The following SPTBN5 variants were observed in gnomAD, a reference collection of about 807,000 sequenced individuals.
The protein encoded by SPTBN5 is spectrin beta chain, non-erythrocytic 5.
A neutral mutation model predicts 477.6 loss-of-function variants in SPTBN5; 513 were observed. The observed-to-expected ratio is 1.07, with a 90% CI of 1.00 to 1.16. SPTBN5 has a LOEUF of 1.16. Among genes scored for constraint, SPTBN5 ranks in the 50% most tolerant of loss-of-function variants. SPTBN5 has a pLI of 0.00. For synonymous variants in SPTBN5, 2,169 were observed against 2,011.7 expected (o/e 1.08, Z -2.09); for missense variants, 5,062 against 4,731.8 (o/e 1.07, Z -2.05).
chr15:41,850,692 T>C, intron 66 of SPTBN5, 162 bp downstream of exon 66: 1 of 672,802 alleles, frequency 1.5e-6, no homozygotes, highest in Non-Finnish European at 2.5e-6. Context: ...GCGTAACCTC[T>C]CCAGGACCTA....
intron 63 of SPTBN5, 49 bp downstream of exon 63, chr15:41,851,730 G>A (rs1164355082): frequency 7.0e-7 from 1 of 1,433,346 alleles, no homozygotes; most frequent in South Asian, 1.2e-5. Context: ...CCACTCAAGT[G>A]CTGCTGCAAG....
intron 32 of SPTBN5, among the ~76,000 whole-genome samples, 189 bp from the exon 33 acceptor site, chr15:41,868,790 C>T (rs941869407): frequency 1.3e-5 from 2 of 152,216 alleles, no homozygotes; most frequent in African/African-American, 4.8e-5. Context: ...ACCCGATCCT[C>T]CCAGAACCAC....
At chr15:41,867,224 C>T in intron 35 of SPTBN5, 98 bp from the exon 36 acceptor site, 1 of 1,354,940 alleles carries the variant, frequency 7.4e-7, no homozygotes, top group Non-Finnish European at 9.8e-7. Flanking sequence ...CCCCGGAGCC[C>T]TTTCCTCAGC....
At chr15:41,877,056 G>A (rs2066763787) in intron 18 of SPTBN5, 60 bp downstream of exon 18, 2 of 1,604,872 alleles carry the variant, frequency 1.2e-6, no homozygotes, top group Admixed American at 1.7e-5. Context: ...TGGACTCAAG[G>A]GGATGAGCTC....
Position 41,876,875 on chromosome 15 carries a change from G to A in SPTBN5, c.3785C>T (p.Pro1262Leu). 6.2e-7 allele frequency: 1 copy of A among 1,610,560 alleles called. No homozygotes were observed. The highest frequency in any genetic ancestry group is 8.5e-7 in the Non-Finnish European group (1 of 1,179,824). Residue 1262 changes from proline (P) to leucine (L), a missense_variant, in exon 19 of 68, where the codon CCT becomes CTT. Physicochemically the swap from Pro to Leu is moderately conservative, Grantham distance 98. Transcript: ENST00000320955. ...EFGRLLSTLGPRAEALRAHGE... is the reference protein window; with the variant it reads ...EFGRLLSTLGLRAEALRAHGE... Reference sequence around the variant, plus strand: ...GTGTGCCCGCAGAGCCTCTGCCCGAGGCCCCAGGGTGCTCAGGAGCCGCCC... The same window carrying A: ...GTGTGCCCGCAGAGCCTCTGCCCGAAGCCCCAGGGTGCTCAGGAGCCGCCC...
At position 41,862,528 on chromosome 15, in the gene SPTBN5, C is replaced by T. The variant is rs371330208; in HGVS notation, c.7385+11G>A. The stretch of plus-strand genomic sequence containing the variant: ...GATGGGTCGGCGAGGGCAAGGCCTG[C>T]GGGTTCATACCGCTTCTGGGCCCTG... On this transcript the variant is annotated intron_variant, in intron 43 of 67. Coordinates refer to ENST00000320955, the MANE Select transcript of SPTBN5 (RefSeq NM_016642.4). The T allele has an allele frequency of 1.2e-5, 19 of 1,576,054 alleles. No individual in the cohort carries two copies. The highest frequency in any genetic ancestry group is 6.9e-5 in the East Asian group (3 of 43,708).
chr15:41,892,045 C>CG (rs1334711198), intron 3 of SPTBN5, among the ~76,000 whole-genome samples: 1 of 152,168 alleles, frequency 6.6e-6, no homozygotes, highest in African/African-American at 2.4e-5. Flanking sequence ...CAGCTGGCAG[C>CG]GTTCTGCTCT....
intron 7 of SPTBN5, 33 bp downstream of exon 7, chr15:41,885,702 A>G: frequency 6.5e-7 from 1 of 1,535,368 alleles, no homozygotes; most frequent in Non-Finnish European, 8.8e-7. Context: ...AGCCTCAGCC[A>G]GCTGTGGGGA....
At chr15:41,890,234 A>G in intron 3 of SPTBN5, 29 bp from the exon 4 acceptor site, 1 of 1,502,678 alleles carries the variant, frequency 6.7e-7, no homozygotes, top group Non-Finnish European at 9.2e-7. Flanking sequence ...GGGCTAAGCC[A>G]TGAAGCCCAT....
In SPTBN5 at chr15:41,883,137, G is replaced by T; in HGVS notation, c.1751C>A (p.Ala584Asp). ...AAGATGGCTCACATGGGCTCCGTGG[G>T]CCGAGACTTGAGCCTCCAGCAGGTC... is the stretch of plus-strand genomic sequence containing the variant. Reference protein sequence around the residue: ...RHDLLEAQVSAHGAHVSHLAQ... With the variant: ...RHDLLEAQVSDHGAHVSHLAQ... The change falls in exon 9 of 68, where the codon GCC becomes GAC. Residue 584 changes from alanine to aspartate, a missense_variant. Coordinates refer to ENST00000320955, the MANE Select transcript of SPTBN5 (RefSeq NM_016642.4). The T allele has an allele frequency of 6.2e-7, 1 of 1,612,672 alleles. No individual in the cohort carries two copies. The highest frequency in any genetic ancestry group is 1.1e-5 in the South Asian group (1 of 90,922).
chr15:41,852,555 C>G, intron 61 of SPTBN5, 79 bp downstream of exon 61: 2 of 1,465,026 alleles, frequency 1.4e-6, no homozygotes, highest in Admixed American at 3.3e-5. Context: ...GGGCTCAGTG[C>G]CCTGGGAGAC....
rs771899287 is a variant in SPTBN5 at position 41,893,361 on chromosome 15, C to A, written c.137G>T (p.Arg46Leu). ...MDSQYETGHIRKLQARHMQMQ... is the reference protein window; with the variant it reads ...MDSQYETGHILKLQARHMQMQ... ...CTGCATGTGCCGGGCCTGTAGCTTG[C>A]GAATGTGGCCCGTCTCGTACTGAGA... The change falls in exon 2 of 68, where the codon CGC becomes CTC. Residue 46 changes from arginine to leucine, a missense_variant. Transcript: ENST00000320955. 2.5e-6 allele frequency: 4 copies of A among 1,613,864 alleles called. No homozygotes were observed. In the South Asian group the frequency reaches 3.3e-5, roughly 13 times the overall value.
rs1286140486 is a variant in SPTBN5, at chr15:41,888,042, G to T, written c.545C>A (p.Ala182Asp). ...ASAALLSTKE[A>D]LLVWCQRKTA... ...CTTCCGCTGGCACCAGACCAGCAGG[G>T]CTTCCTTGGTGGACAGCAGGGCTGC... Residue 182 changes from alanine to aspartate, a missense_variant, in exon 5 of 68, where the codon GCC becomes GAC. By Grantham distance (126) the Ala-to-Asp change is moderately radical. Transcript: ENST00000320955. The T allele has an allele frequency of 1.3e-6, 2 of 1,584,740 alleles. No individual in the cohort carries two copies. Among genetic ancestry groups the T allele is most frequent in the Non-Finnish European group, 1.7e-6 (2 of 1,165,850 alleles).
rs369177491 is a variant in SPTBN5, at chr15:41,880,088, T to G, written c.2811+72A>C. ...CAGGACGGTAGTTAAATTGGAAAACTGAGTCACAGCAGCAGACCACAGGGA... is the reference window on the plus strand; with the variant it reads ...CAGGACGGTAGTTAAATTGGAAAACGGAGTCACAGCAGCAGACCACAGGGA... On this transcript the variant is annotated intron_variant, in intron 14 of 67. Transcript: ENST00000320955. The G allele has an allele frequency of 3.2e-4, 480 of 1,501,792 alleles. No individual in the cohort carries two copies. The African/African-American group carries it at 6.2e-3, about 19-fold the overall frequency. 93.0% of individuals were successfully genotyped at this position (1,501,792 alleles called of 1,614,324 possible).
In SPTBN5 at chr15:41,871,859, G is replaced by A. The variant is rs752527134; in HGVS notation, c.5224C>T (p.Leu1742=). The change falls in exon 28 of 68, where the codon CTG becomes TTG. Residue 1742 remains leucine (L), a synonymous_variant. Coordinates refer to ENST00000320955, the MANE Select transcript of SPTBN5 (RefSeq NM_016642.4). The part of the protein sequence containing the change: ...LHEFLREAED[L]QGWLASQKQA... The stretch of plus-strand genomic sequence containing the variant: ...TTCTGGCTTGCCAGCCAGCCCTGCA[G>A]GTCCTCAGCCTCCCTCAGGAACTCA... 4.4e-6 allele frequency: 7 copies of A among 1,587,768 alleles called. No individual in the cohort carries two copies. Among genetic ancestry groups the A allele is most frequent in the Non-Finnish European group, 6.0e-6 (7 of 1,167,552 alleles).
At chr15:41,868,622 GGA>G in intron 32 of SPTBN5, 21 bp from the exon 33 acceptor site, 2 of 1,593,612 alleles carry the variant, frequency 1.3e-6, no homozygotes, top group Non-Finnish European at 1.7e-6. Flanking sequence ...GGACACGGAG[GGA>G]GAGCCGGGTG....
intron 3 of SPTBN5, among the ~76,000 whole-genome samples, chr15:41,892,242 C>A (rs988187704): frequency 6.6e-6 from 1 of 152,206 alleles, no homozygotes; most frequent in African/African-American, 2.4e-5. Flanking sequence ...CAGGGACAGC[C>A]ACCTCCAGGA....
chr15:41,881,731 C>T (rs1348653335), intron 12 of SPTBN5, among the ~76,000 whole-genome samples: 4 of 152,216 alleles, frequency 2.6e-5, no homozygotes, highest in Non-Finnish European at 5.9e-5. Flanking sequence ...CCTCGGTTGA[C>T]GTGGGCAGAC....
chr15:41,852,462 AG>A, intron 61 of SPTBN5, 146 bp from the exon 62 acceptor site: 1 of 1,351,448 alleles, frequency 7.4e-7, no homozygotes, highest in South Asian at 1.3e-5. Flanking sequence ...TTGGCTCTGG[AG>A]GCTCACACCC....
Sources: gnomAD v4.1 joint callset for allele counts (sites outside exome capture counted in the v4.1 genomes callset) on GRCh38, gnomAD v4.1.1 for gene constraint, MANE v1.5 for transcripts, NCBI Gene and HGNC (gene_info 2026-07-23, HGNC 2026-07-21) for gene names.